Variants in ROBO2 observed in about 807,000 individuals in gnomAD.
The protein encoded by ROBO2 is roundabout homolog 2.
Under a neutral mutation model 160.8 loss-of-function variants are expected in ROBO2, and 53 were observed. That is an observed-to-expected ratio of 0.33 (90% CI 0.26 to 0.41). ROBO2 has a LOEUF of 0.41. Among genes scored for constraint, ROBO2 ranks in the 10% least tolerant of loss-of-function variants. ROBO2 has a pLI of 1.00. For synonymous variants in ROBO2, 664 were observed against 611.7 expected (o/e 1.09, Z -1.26); for missense variants, 1,577 against 1,722.4 (o/e 0.92, Z 1.49).
At chr3:77,498,535 G>C (rs1033618464) in intron 5 of ROBO2, among the ~76,000 whole-genome samples, 1 of 151,586 alleles carries the variant, frequency 6.6e-6, no homozygotes, top group African/African-American at 2.4e-5. Context: ...AGAGTTTTTA[G>C]TTCCATGAAA....
intron 2 of ROBO2, among the ~76,000 whole-genome samples, chr3:76,786,348 C>A (rs1373400303): frequency 6.6e-6 from 1 of 151,232 alleles, no homozygotes; most frequent in Non-Finnish European, 1.5e-5. Context: ...ATAAAAAACA[C>A]AATTTAATTG....
At chr3:76,028,364 C>T (rs560402774) in intron 2 of ROBO2, among the ~76,000 whole-genome samples, 69 of 151,908 alleles carry the variant, frequency 4.5e-4, no homozygotes, top group African/African-American at 1.6e-3. Flanking sequence ...AAGATGAAGA[C>T]ACTAATAAGA....
chr3:75,968,247 G>A (rs987313490), intron 2 of ROBO2, among the ~76,000 whole-genome samples: 3 of 151,348 alleles, frequency 2.0e-5, no homozygotes, highest in Non-Finnish European at 4.4e-5. Context: ...TGGATATTAT[G>A]ACTGTCCCCT....
intron 1 of ROBO2, among the ~76,000 whole-genome samples, chr3:77,045,065 C>T (rs188366752): frequency 7.2e-5 from 11 of 151,966 alleles, no homozygotes; most frequent in African/African-American, 1.7e-4. Flanking sequence ...GGGAGGCGGG[C>T]GGTAGGGAAA....
chr3:76,332,656 G>C (rs1194383773), intron 2 of ROBO2, among the ~76,000 whole-genome samples: 1 of 152,074 alleles, frequency 6.6e-6, no homozygotes, highest in Non-Finnish European at 1.5e-5. Context: ...ACATTAATTT[G>C]AACTTCAAAT....
chr3:77,133,793 C>G (rs2076052603), intron 2 of ROBO2, among the ~76,000 whole-genome samples: 1 of 152,056 alleles, frequency 6.6e-6, no homozygotes, highest in Admixed American at 6.6e-5. Flanking sequence ...TAGTGTCCTA[C>G]CATATTTGTT....
chr3:76,122,219 T>A (rs748864687), intron 2 of ROBO2, among the ~76,000 whole-genome samples: 18 of 151,892 alleles, frequency 1.2e-4, no homozygotes, highest in Non-Finnish European at 2.2e-4. Context: ...CAGTCAAACA[T>A]GAATGTTGAT....
intron 1 of ROBO2, among the ~76,000 whole-genome samples, chr3:77,076,660 T>C (rs1196683530): frequency 6.6e-6 from 1 of 152,154 alleles, no homozygotes; most frequent in African/African-American, 2.4e-5. Context: ...CAAATAAGTA[T>C]TAGTTATAAT....
chr3:76,150,359 A>G (rs1225726935), intron 2 of ROBO2, among the ~76,000 whole-genome samples: 1 of 151,630 alleles, frequency 6.6e-6, no homozygotes, highest in Non-Finnish European at 1.5e-5. Flanking sequence ...ACATCTGTCT[A>G]AAACACACAT....
At chr3:76,567,133 G>A (rs899259410) in intron 2 of ROBO2, among the ~76,000 whole-genome samples, 2 of 152,210 alleles carry the variant, frequency 1.3e-5, no homozygotes, top group South Asian at 2.1e-4. Context: ...AGTGGAAAAC[G>A]AAGACGTGAG....
intron 2 of ROBO2, among the ~76,000 whole-genome samples, chr3:76,598,365 G>A (rs1215979656): frequency 6.6e-6 from 1 of 152,042 alleles, no homozygotes; most frequent in Non-Finnish European, 1.5e-5. Context: ...AGACTTCTGA[G>A]GAGCTGGAAC....
At chr3:76,329,813 G>T (rs908322113) in intron 2 of ROBO2, among the ~76,000 whole-genome samples, 1 of 152,166 alleles carries the variant, frequency 6.6e-6, no homozygotes, top group African/African-American at 2.4e-5. Context: ...CCACTTTGGA[G>T]ACATTCTTTC....
intron 2 of ROBO2, among the ~76,000 whole-genome samples, chr3:76,333,265 T>A (rs1177870475): frequency 6.6e-6 from 1 of 152,166 alleles, no homozygotes; most frequent in Non-Finnish European, 1.5e-5. Context: ...ATCATTGAGA[T>A]AATGTATCTA....
intron 2 of ROBO2, among the ~76,000 whole-genome samples, chr3:76,650,037 C>T (rs9867631): frequency 1.3e-5 from 2 of 152,010 alleles, no homozygotes; most frequent in African/African-American, 2.4e-5. Flanking sequence ...TGCCAACAAA[C>T]GTATTACCCA....
chr3:77,023,829 C>T (rs150538939), intron 2 of ROBO2, among the ~76,000 whole-genome samples: 4 of 152,240 alleles, frequency 2.6e-5, no homozygotes, highest in Non-Finnish European at 5.9e-5. Flanking sequence ...ACGATATCTA[C>T]AGCTGAAGCA....
At chr3:76,493,337 T>TTTTA (rs1460408407) in intron 2 of ROBO2, among the ~76,000 whole-genome samples, 1 of 104,830 alleles carries the variant, frequency 9.5e-6, no homozygotes, top group African/African-American at 3.5e-5. Flanking sequence ...AGACAAAAAA[T>TTTTA]TATATATATA....
chr3:76,685,949 A>C (rs905318238), intron 2 of ROBO2, among the ~76,000 whole-genome samples: 2 of 152,124 alleles, frequency 1.3e-5, no homozygotes, highest in African/African-American at 4.8e-5. Flanking sequence ...TAACTTTGGA[A>C]GGTAGAAAAC....
intron 2 of ROBO2, among the ~76,000 whole-genome samples, chr3:76,584,213 C>A (rs1230986963): frequency 6.6e-6 from 1 of 152,086 alleles, no homozygotes; most frequent in Non-Finnish European, 1.5e-5. Flanking sequence ...GGAAATGGTA[C>A]CAACGTAGAA....
chr3:77,531,283 T>C (rs1475405318), intron 6 of ROBO2, among the ~76,000 whole-genome samples: 2 of 152,076 alleles, frequency 1.3e-5, no homozygotes, highest in Non-Finnish European at 2.9e-5. Context: ...AAGAATGTAA[T>C]TGGCCACACA....
Sources: gnomAD v4.1 joint callset for allele counts (sites outside exome capture counted in the v4.1 genomes callset) on GRCh38, gnomAD v4.1.1 for gene constraint, MANE v1.5 for transcripts, NCBI Gene and HGNC (gene_info 2026-07-23, HGNC 2026-07-21) for gene names.